KMT2C: variants seen among roughly 807,000 people sequenced by gnomAD.
The protein encoded by KMT2C is histone-lysine N-methyltransferase 2C.
Under a neutral mutation model 507.9 loss-of-function variants are expected in KMT2C, and 88 were observed. The observed-to-expected ratio is 0.17, with a 90% CI of 0.15 to 0.21. The LOEUF is 0.21. KMT2C is among the 10% of genes least tolerant of loss of function. The pLI is 1.00. For missense variants in KMT2C, 4,954 were observed against 5,957.8 expected (o/e 0.83, Z 5.55); for synonymous variants, 2,049 against 2,080.8 (o/e 0.98, Z 0.42).
At position 152,252,673 on chromosome 7, in the gene KMT2C, G is replaced by C; in HGVS notation, c.1342C>G (p.Gln448Glu). ...CATATCAGGCAATTGTGGTGCCACTGAGAACTAGACCGTGTGCCACACTCT... is the reference window on the plus strand; with the variant it reads ...CATATCAGGCAATTGTGGTGCCACTCAGAACTAGACCGTGTGCCACACTCT... Reference protein sequence around the residue: ...CIECGTRSSSQWHHNCLICDN... With the variant: ...CIECGTRSSSEWHHNCLICDN... The change falls in exon 10 of 59, where the codon CAG (glutamine) becomes GAG (glutamate). Residue 448 changes from glutamine (Q) to glutamate (E), a missense_variant. Around this residue, in one of 29 missense-constraint regions of KMT2C, gnomAD observed 376 missense variants for 352.4 expected, o/e 1.07. Coordinates refer to ENST00000262189, the MANE Select transcript of KMT2C (RefSeq NM_170606.3). 1.9e-6 allele frequency: 3 copies of C among 1,613,564 alleles called. No homozygotes were observed. The highest frequency in any genetic ancestry group is 2.5e-6 in the Non-Finnish European group (3 of 1,179,664).
chr7:152,147,179 A>G (rs182169037), intron 52 of KMT2C, among the ~76,000 whole-genome samples: 169 of 152,232 alleles, frequency 1.1e-3, no homozygotes, highest in African/African-American at 3.6e-3. Flanking sequence ...TAAGTGCTAA[A>G]CTTAAGAAAG....
intron 1 of KMT2C, among the ~76,000 whole-genome samples, chr7:152,397,967 T>C (rs768354067): frequency 2.0e-5 from 3 of 152,190 alleles, no homozygotes; most frequent in Non-Finnish European, 4.4e-5. Context: ...CACTCATTCT[T>C]GTTTTGAGTC....
At chr7:152,326,740 G>C (rs977916912) in intron 3 of KMT2C, among the ~76,000 whole-genome samples, 3 of 152,226 alleles carry the variant, frequency 2.0e-5, no homozygotes, top group African/African-American at 7.2e-5. Context: ...AATTAGCCGG[G>C]TGTGGTGGCA....
intron 16 of KMT2C, among the ~76,000 whole-genome samples, chr7:152,231,099 A>G (rs1425265495): frequency 2.0e-5 from 3 of 152,216 alleles, no homozygotes; most frequent in Non-Finnish European, 2.9e-5. Flanking sequence ...TGTGGTTACT[A>G]GGAAGTTTTA....
intron 14 of KMT2C, among the ~76,000 whole-genome samples, chr7:152,241,564 C>T (rs143060590): frequency 1.1e-4 from 17 of 152,296 alleles, no homozygotes; most frequent in Middle Eastern, 3.4e-3. Context: ...TTAGTGCTCC[C>T]GGTGAACCAT....
At chr7:152,173,275 C>T (rs2129110029) in intron 39 of KMT2C, among the ~76,000 whole-genome samples, 1 of 152,170 alleles carries the variant, frequency 6.6e-6, no homozygotes, top group South Asian at 2.1e-4. Flanking sequence ...ATTCTATAAT[C>T]ATCCACATTT....
chr7:152,358,699 A>C, intron 1 of KMT2C, 24 bp from the exon 2 acceptor site: 1 of 1,406,494 alleles, frequency 7.1e-7, no homozygotes, highest in Non-Finnish European at 1.0e-6. Flanking sequence ...AAAAAATAAT[A>C]AGTACATAGA....
rs2129113451 is a variant in KMT2C, at chr7:152,176,679, T to C, written c.8774A>G (p.Glu2925Gly). The C allele has an allele frequency of 6.2e-7, 1 of 1,614,186 alleles. No individual in the cohort carries two copies. Among genetic ancestry groups the C allele is most frequent in the Non-Finnish European group, 8.5e-7 (1 of 1,180,046 alleles). ...CCTAATGTCTGAATTATCAGATTTC[T>C]CATTAGCAAGTAAACTTGAGAGAAC... ...TPVLSSLLANEKSDNSDIRPS... is the reference protein window; with the variant it reads ...TPVLSSLLANGKSDNSDIRPS... The change falls in exon 38 of 59, where the codon GAG (glutamate) becomes GGG (glycine). Residue 2925 changes from glutamate (E) to glycine (G), a missense_variant. Transcript: ENST00000262189.
intron 1 of KMT2C, among the ~76,000 whole-genome samples, chr7:152,426,419 A>G (rs1232620897): frequency 6.6e-6 from 1 of 151,730 alleles, no homozygotes; most frequent in Non-Finnish European, 1.5e-5. Context: ...AATTTTTTGT[A>G]GAGATGGGGA....
At chr7:152,287,960 G>A (rs199733518) in intron 6 of KMT2C, among the ~76,000 whole-genome samples, 322 of 143,270 alleles carry the variant, frequency 2.2e-3, no homozygotes, top group Admixed American at 4.1e-3. Context: ...GGAAGCAGAG[G>A]TTGCAGTGAG....
At chr7:152,199,501 T>C in intron 26 of KMT2C, 42 bp from the exon 27 acceptor site, 1 of 1,258,086 alleles carries the variant, frequency 7.9e-7, no homozygotes, top group Non-Finnish European at 1.1e-6. Context: ...TAGAAAATTC[T>C]AAAAAGACAA....
At chr7:152,242,916 G>A (rs1349889672) in intron 14 of KMT2C, among the ~76,000 whole-genome samples, 2 of 152,088 alleles carry the variant, frequency 1.3e-5, no homozygotes, top group African/African-American at 4.8e-5. Flanking sequence ...GTAAAACCAA[G>A]GTTGCTTATA....
rs1436516495 is a variant in KMT2C at position 152,182,377 on chromosome 7, T to C, written c.5483A>G (p.Glu1828Gly). The change falls in exon 36 of 59, where the codon GAA becomes GGA. Residue 1828 changes from glutamate (E) to glycine (G), a missense_variant. Physicochemically the swap from Glu to Gly is moderately conservative, Grantham distance 98. Around this residue, in one of 29 missense-constraint regions of KMT2C, gnomAD observed 1,689 missense variants for 1,654.3 expected, o/e 1.02. Coordinates refer to ENST00000262189, the MANE Select transcript of KMT2C (RefSeq NM_170606.3). ...NMSPAQSFHK[E>G]LFTKQPPSTP... ...ACTGGGTGGCTGTTTTGTAAACAGTTCTTTATGGAATGACTGTGCAGGAGA... is the reference window on the plus strand; with the variant it reads ...ACTGGGTGGCTGTTTTGTAAACAGTCCTTTATGGAATGACTGTGCAGGAGA... 1 of 1,613,288 alleles carries C rather than the reference T, an allele frequency of 6.2e-7. No homozygotes were observed. Among genetic ancestry groups the C allele is most frequent in the Non-Finnish European group, 8.5e-7 (1 of 1,179,630 alleles).
At chr7:152,272,455 G>C (rs2095994554) in intron 7 of KMT2C, among the ~76,000 whole-genome samples, 1 of 152,086 alleles carries the variant, frequency 6.6e-6, no homozygotes, top group Non-Finnish European at 1.5e-5. Flanking sequence ...TTGTTTTATT[G>C]AGATGACAAA....
chr7:152,364,934 G>GAC (rs71198778), intron 1 of KMT2C, among the ~76,000 whole-genome samples: 25,989 of 138,022 alleles, frequency 0.19, 2,284 homozygotes, highest in East Asian at 0.34. Context: ...GAAACAGACA[G>GAC]ACACACACAC....
chr7:152,225,975 T>G (rs2094917567), intron 18 of KMT2C, among the ~76,000 whole-genome samples: 1 of 152,262 alleles, frequency 6.6e-6, no homozygotes, highest in African/African-American at 2.4e-5. Flanking sequence ...ACCTTATTAA[T>G]TGAACTAAAC....
chr7:152,308,278 G>A (rs2096638398), intron 6 of KMT2C, among the ~76,000 whole-genome samples: 1 of 152,016 alleles, frequency 6.6e-6, no homozygotes, highest in Non-Finnish European at 1.5e-5. Context: ...TGAAAGCTTT[G>A]CCTATGTTCT....
chr7:152,206,256 T>C (rs1258169903), intron 24 of KMT2C, among the ~76,000 whole-genome samples: 2 of 151,556 alleles, frequency 1.3e-5, no homozygotes, highest in African/African-American at 4.9e-5. Flanking sequence ...GTCCCTCAAT[T>C]AGAGGGTTGA....
chr7:152,296,300 G>A (rs1221346838), intron 6 of KMT2C, among the ~76,000 whole-genome samples: 1 of 151,588 alleles, frequency 6.6e-6, no homozygotes, highest in Non-Finnish European at 1.5e-5. Context: ...CGGGCGTGGT[G>A]GTGGGTGCCT....
Sources: allele counts gnomAD v4.1 joint callset (sites outside exome capture counted in the v4.1 genomes callset), GRCh38; gene constraint gnomAD v4.1.1; regional missense constraint gnomAD v4.1.1; transcripts MANE v1.5; gene names NCBI Gene and HGNC (gene_info 2026-07-23, HGNC 2026-07-21).